The following CADPS variants were observed in gnomAD, a reference collection of about 807,000 sequenced individuals.
The protein encoded by CADPS is calcium dependent secretion activator.
CADPS carries 57 observed loss-of-function variants against 167.3 expected under a neutral mutation model. That is an observed-to-expected ratio of 0.34 (90% confidence interval 0.28 to 0.42). CADPS has a LOEUF of 0.42. Ranked by LOEUF, CADPS falls within the 20% of genes least tolerant of loss-of-function variation. The pLI, the probability that CADPS is intolerant of heterozygous loss-of-function variation, is 1.00. For missense variants in CADPS, 1,414 were observed against 1,738.1 expected (o/e 0.81, Z 3.32); for synonymous variants, 676 against 635.3 (o/e 1.06, Z -0.96).
chr3:62,645,037 G>T (rs2068233281), intron 6 of CADPS, among the ~76,000 whole-genome samples: 1 of 152,140 alleles, frequency 6.6e-6, no homozygotes, highest in Non-Finnish European at 1.5e-5. Flanking sequence ...ATGAATTAAT[G>T]TATTATGTAA....
chr3:62,771,226 T>C (rs987941974), intron 1 of CADPS, among the ~76,000 whole-genome samples: 2 of 152,218 alleles, frequency 1.3e-5, no homozygotes, highest in Admixed American at 6.5e-5. Context: ...GCTGAGTGAA[T>C]ACATGAGCCT....
intron 7 of CADPS, among the ~76,000 whole-genome samples, chr3:62,586,013 TC>T (rs2148628979): frequency 6.6e-6 from 1 of 152,318 alleles, no homozygotes; most frequent in African/African-American, 2.4e-5. Context: ...CTGCATCCAT[TC>T]TTATTGTCTG....
At chr3:62,724,197 C>A (rs2076327813) in intron 3 of CADPS, among the ~76,000 whole-genome samples, 1 of 152,208 alleles carries the variant, frequency 6.6e-6, no homozygotes, top group Non-Finnish European at 1.5e-5. Flanking sequence ...CACTTTCATT[C>A]ACCATGGGCT....
intron 13 of CADPS, among the ~76,000 whole-genome samples, 159 bp downstream of exon 13, chr3:62,532,712 G>T (rs1261673983): frequency 1.0e-5 from 1 of 99,686 alleles, no homozygotes; most frequent in Admixed American, 1.3e-4. Context: ...GAAAGTTAGT[G>T]CCCTTTGTGT....
At chr3:62,631,057 G>A (rs1409707348) in intron 6 of CADPS, among the ~76,000 whole-genome samples, 2 of 151,846 alleles carry the variant, frequency 1.3e-5, no homozygotes, top group Non-Finnish European at 2.9e-5. Flanking sequence ...AATGAAAAGA[G>A]ACTTCTTTCC....
intron 3 of CADPS, among the ~76,000 whole-genome samples, chr3:62,689,378 T>A (rs147007176): frequency 1.3e-5 from 2 of 152,164 alleles, no homozygotes; most frequent in East Asian, 1.9e-4. Context: ...AATCAAGAGA[T>A]AATGCCAAGA....
intron 3 of CADPS, among the ~76,000 whole-genome samples, chr3:62,746,007 G>A (rs1020997169): frequency 6.6e-6 from 1 of 152,190 alleles, no homozygotes; most frequent in Non-Finnish European, 1.5e-5. Flanking sequence ...AAACACTGAG[G>A]AGCCCATTTT....
intron 1 of CADPS, among the ~76,000 whole-genome samples, chr3:62,834,558 C>G (rs916879899): frequency 1.3e-5 from 2 of 152,124 alleles, no homozygotes; most frequent in African/African-American, 2.4e-5. Flanking sequence ...GTCACTTACT[C>G]TCTCCACACC....
chr3:62,485,324 G>A (rs989947239), intron 21 of CADPS, among the ~76,000 whole-genome samples: 3 of 151,868 alleles, frequency 2.0e-5, no homozygotes, highest in Admixed American at 6.6e-5. Flanking sequence ...CCATGCTGGC[G>A]AAAACTCAGC....
rs2074700737 is a variant in CADPS at position 62,536,406 on chromosome 3, G to A, written c.2103+39C>T. ...GAGAAATATTTAAATGAAAAAAAATGTTATGTTTAAATTGCTGTAGACCAA... is the reference window on the plus strand; with the variant it reads ...GAGAAATATTTAAATGAAAAAAAATATTATGTTTAAATTGCTGTAGACCAA... On this transcript the variant is annotated intron_variant, in intron 12 of 29. Transcript: ENST00000383710. 3 of 1,560,150 alleles carry A rather than the reference G, an allele frequency of 1.9e-6. No homozygotes were observed. The African/African-American group carries it at 4.1e-5, about 21-fold the overall frequency.
chr3:62,544,829 G>T lies in CADPS; in HGVS notation c.1966+5074C>A. On this transcript the variant is annotated intron_variant, in intron 11 of 29. Transcript: ENST00000383710. This position sits in a 1 kb window ranked among gnomAD's most constrained non-coding sequence, Gnocchi z 4.4. ...TAATCTGATTATCTGAGCTGTGCTA[G>T]CTATAGGGGAGCACTTACCCTTCAG... 8.2e-7 allele frequency: 1 copy of T among 1,224,902 alleles called. No homozygotes were observed. Among genetic ancestry groups the T allele is most frequent in the Non-Finnish European group, 1.0e-6 (1 of 957,886 alleles). 75.9% of individuals were successfully genotyped at this position (1,224,902 alleles called of 1,614,324 possible).
At chr3:62,839,719 A>G in intron 1 of CADPS, among the ~76,000 whole-genome samples, 1 of 152,214 alleles carries the variant, frequency 6.6e-6, no homozygotes. Context: ...TGTGAAGTCG[A>G]CAAATAGAGG....
intron 3 of CADPS, among the ~76,000 whole-genome samples, chr3:62,699,475 G>A (rs2080992836): frequency 6.6e-6 from 1 of 152,152 alleles, no homozygotes; most frequent in African/African-American, 2.4e-5. Flanking sequence ...TGGTCATTAA[G>A]TAAAAAACCC....
chr3:62,419,517 C>G (rs573867623), intron 28 of CADPS, among the ~76,000 whole-genome samples: 1 of 152,190 alleles, frequency 6.6e-6, no homozygotes, highest in East Asian at 1.9e-4. Flanking sequence ...AAGAAAATTC[C>G]AGTTTTGGTG....
chr3:62,712,038 G>A (rs1353993114), intron 3 of CADPS, among the ~76,000 whole-genome samples: 1 of 152,018 alleles, frequency 6.6e-6, no homozygotes, highest in Non-Finnish European at 1.5e-5. Flanking sequence ...TCTATTTCAG[G>A]AGATATATAC....
chr3:62,492,549 TC>T, intron 19 of CADPS, 103 bp from the exon 20 acceptor site: 1 of 1,099,536 alleles, frequency 9.1e-7, no homozygotes, highest in Non-Finnish European at 1.3e-6. Flanking sequence ...TAATGGTGCA[TC>T]CAGCAGGGTT....
chr3:62,484,798 CA>C (rs1685432023), intron 21 of CADPS, among the ~76,000 whole-genome samples: 1 of 152,124 alleles, frequency 6.6e-6, no homozygotes, highest in African/African-American at 2.4e-5. Flanking sequence ...GTACCTTTCT[CA>C]AAGATTTTGG....
At chr3:62,633,886 T>A (rs376924025) in intron 6 of CADPS, among the ~76,000 whole-genome samples, 20 of 152,344 alleles carry the variant, frequency 1.3e-4, no homozygotes, top group East Asian at 9.6e-4. Context: ...TTCAGTTATT[T>A]TTACAATGTT....
rs201178310 is a variant in CADPS, at chr3:62,516,085, C to T, written c.2555G>A (p.Arg852Gln). 1.7e-5 allele frequency: 27 copies of T among 1,613,116 alleles called. No homozygotes were observed. Among genetic ancestry groups the T allele is most frequent in the East Asian group, 4.5e-5 (2 of 44,836 alleles). ...TTCGATTTTGGCATACTCTGAGAGC[C>T]GAGAATAGTTGACTAACGCAGCCTG... ...LEQAALVNYS[R>Q]LSEYAKIEEN... is the part of the protein sequence containing the mutation. The change falls in exon 16 of 30, where the codon CGG (arginine) becomes CAG (glutamine). Residue 852 changes from arginine (R) to glutamine (Q), a missense_variant. Coordinates refer to ENST00000383710, the MANE Select transcript of CADPS (RefSeq NM_003716.4).
Sources: allele counts gnomAD v4.1 joint callset (sites outside exome capture counted in the v4.1 genomes callset), GRCh38; gene constraint gnomAD v4.1.1; non-coding constraint Gnocchi (gnomAD v3.1); transcripts MANE v1.5; gene names NCBI Gene and HGNC (gene_info 2026-07-23, HGNC 2026-07-21).